STIM1: variants seen among roughly 807,000 people sequenced by gnomAD.
STIM1 encodes stromal interaction molecule 1.
A neutral mutation model predicts 74.7 loss-of-function variants in STIM1; 25 were observed. The ratio of observed to expected loss-of-function variants is 0.33; its 90% CI spans 0.24 to 0.47. STIM1 has a LOEUF of 0.47. STIM1 is among the 20% of genes least tolerant of loss of function. STIM1 has a pLI of 1.00. For missense variants in STIM1, 728 were observed against 920.8 expected (o/e 0.79, Z 2.71); for synonymous variants, 328 against 348.8 (o/e 0.94, Z 0.66).
In STIM1 at chr11:3,962,377, C is replaced by T. The variant is rs561219989; in HGVS notation, c.140-5175C>T. ...TTCTCAGTTGTTTCACTTCAGATAG[C>T]GGCCTCCAGTTCCATCCACGTTGCT... On this transcript the variant is annotated intron_variant, in intron 1 of 12. Coordinates refer to ENST00000526596, the MANE Select transcript of STIM1 (RefSeq NM_001382567.1). Among the ~76,000 whole-genome samples the T allele has an allele frequency of 5.3e-5, 8 of 152,056 alleles. 1 individual carries two copies. The South Asian group carries it at 8.3e-4, about 16-fold the overall frequency.
intron 1 of STIM1, among the ~76,000 whole-genome samples, chr11:3,957,132 A>G (rs918134047): frequency 6.6e-6 from 1 of 152,344 alleles, no homozygotes. Flanking sequence ...TCAAATAACT[A>G]TAGTTATAAA....
chr11:3,859,357 T>G (rs1447940628), intron 1 of STIM1, among the ~76,000 whole-genome samples: 1 of 152,178 alleles, frequency 6.6e-6, no homozygotes, highest in East Asian at 1.9e-4. Context: ...GCTAGGTCAC[T>G]TTCTCAGTAA....
chr11:3,909,813 A>G (rs2092531956), intron 1 of STIM1, among the ~76,000 whole-genome samples: 1 of 152,144 alleles, frequency 6.6e-6, no homozygotes, highest in East Asian at 1.9e-4. Flanking sequence ...AAAAAGAAAA[A>G]AAAAGTCATC....
intron 3 of STIM1, among the ~76,000 whole-genome samples, chr11:4,052,256 C>G (rs1053944930): frequency 6.6e-6 from 1 of 152,154 alleles, no homozygotes; most frequent in Non-Finnish European, 1.5e-5. Context: ...GAAAAAACTA[C>G]TTTAAAGTTC....
intron 1 of STIM1, among the ~76,000 whole-genome samples, chr11:3,902,156 A>G (rs1302180694): frequency 6.6e-6 from 1 of 152,220 alleles, no homozygotes; most frequent in Non-Finnish European, 1.5e-5. Context: ...TTAATCTAAT[A>G]GAGATGATTA....
intron 1 of STIM1, among the ~76,000 whole-genome samples, chr11:3,928,891 GACTCTCACTC>G (rs2092823173): frequency 6.6e-6 from 1 of 152,078 alleles, no homozygotes. Flanking sequence ...CCTCGAGACA[GACTCTCACTC>G]ACTCTGTAGC....
chr11:4,052,832 A>C (rs1047772399), intron 3 of STIM1, among the ~76,000 whole-genome samples: 7 of 152,174 alleles, frequency 4.6e-5, no homozygotes, highest in Non-Finnish European at 7.4e-5. Context: ...GTTTTGCAAT[A>C]TACTCATCTG....
intron 1 of STIM1, among the ~76,000 whole-genome samples, chr11:3,920,544 C>T (rs59438267): frequency 0.056 from 8,498 of 152,252 alleles, 306 homozygotes; most frequent in Non-Finnish European, 0.087. Context: ...AATTATCCCA[C>T]AGACCTACCA....
intron 1 of STIM1, among the ~76,000 whole-genome samples, chr11:3,871,020 C>A (rs1164622942): frequency 6.6e-6 from 1 of 151,822 alleles, no homozygotes; most frequent in East Asian, 1.9e-4. Flanking sequence ...TTACAGGCGC[C>A]TGCCACCACT....
intron 1 of STIM1, among the ~76,000 whole-genome samples, chr11:3,956,947 C>T (rs1388275005): frequency 6.6e-6 from 1 of 151,392 alleles, no homozygotes; most frequent in Non-Finnish European, 1.5e-5. Context: ...ATGTGTCAGG[C>T]ACTGTACGAG....
chr11:4,027,952 G>A (rs1466570189), intron 3 of STIM1, among the ~76,000 whole-genome samples: 1 of 152,186 alleles, frequency 6.6e-6, no homozygotes, highest in African/African-American at 2.4e-5. Flanking sequence ...GGAGAAGAAT[G>A]ATGGGAGGCA....
chr11:3,909,259 AG>A (rs2092520001), intron 1 of STIM1, among the ~76,000 whole-genome samples: 1 of 152,198 alleles, frequency 6.6e-6, no homozygotes. Context: ...GGTGGGTTCA[AG>A]TGCCGTCCTA....
chr11:3,892,842 G>A (rs1231818766), intron 1 of STIM1: 6 of 1,610,054 alleles, frequency 3.7e-6, no homozygotes, highest in Non-Finnish European at 4.3e-6. Flanking sequence ...TGGCCCAAGG[G>A]CTCGCTGTTG....
At chr11:3,863,377 C>T (rs1224323144) in intron 1 of STIM1, among the ~76,000 whole-genome samples, 2 of 151,906 alleles carry the variant, frequency 1.3e-5, no homozygotes, top group African/African-American at 4.8e-5. Flanking sequence ...CCACCTCAGC[C>T]TCCCAAGTAG....
At chr11:3,898,644 T>G (rs1293335645) in intron 1 of STIM1, among the ~76,000 whole-genome samples, 1 of 151,754 alleles carries the variant, frequency 6.6e-6, no homozygotes, top group Admixed American at 6.6e-5. Context: ...TTTTTATGAT[T>G]TTAGGTCTAA....
intron 2 of STIM1, among the ~76,000 whole-genome samples, chr11:4,001,243 A>G (rs894801496): frequency 2.0e-5 from 3 of 151,708 alleles, no homozygotes; most frequent in Non-Finnish European, 2.9e-5. Flanking sequence ...GAACGCCACA[A>G]AGATACTCCT....
At chr11:3,967,761 C>T (rs58151848) in intron 2 of STIM1, 79 bp downstream of exon 2, 3 of 1,593,932 alleles carry the variant, frequency 1.9e-6, no homozygotes, top group Non-Finnish European at 1.7e-6. Flanking sequence ...ACAGCCTCTT[C>T]CCTGGGGAGA....
intron 2 of STIM1, among the ~76,000 whole-genome samples, chr11:3,992,405 C>A (rs1463121291): frequency 6.6e-6 from 1 of 151,738 alleles, no homozygotes; most frequent in Non-Finnish European, 1.5e-5. Context: ...CAGAGTGAGA[C>A]TCTGTCTCAA....
At chr11:3,862,166 T>C (rs1034565077) in intron 1 of STIM1, among the ~76,000 whole-genome samples, 1 of 152,138 alleles carries the variant, frequency 6.6e-6, no homozygotes, top group African/African-American at 2.4e-5. Flanking sequence ...ATAAATTGAA[T>C]ACCCTGAAAT....
Sources: gnomAD v4.1 joint callset for allele counts (sites outside exome capture counted in the v4.1 genomes callset) on GRCh38, gnomAD v4.1.1 for gene constraint, MANE v1.5 for transcripts, NCBI Gene and HGNC (gene_info 2026-07-23, HGNC 2026-07-21) for gene names.